Variants in ZBBX observed in about 807,000 individuals in gnomAD.
ZBBX encodes the protein zinc finger B-box domain-containing protein 1.
In ZBBX, 101 loss-of-function variants were observed where a neutral mutation model predicts 108.5. The ratio of observed to expected loss-of-function variants is 0.93; its 90% CI spans 0.79 to 1.10. ZBBX has a LOEUF of 1.10. Among genes scored for constraint, ZBBX ranks in the 50% least tolerant of loss-of-function variants. The probability of loss-of-function intolerance (pLI) is 0.00; values close to 1 mark genes in which losing one functional copy is unlikely to be tolerated. For synonymous variants in ZBBX, 356 were observed against 323.4 expected, an observed-to-expected ratio of 1.10 and a Z score of -1.08; for missense variants, 1,009 against 941.4, an observed-to-expected ratio of 1.07 and a Z score of -0.94.
chr3:167,249,811 T>C (rs1184398527), intron 20 of ZBBX, among the ~76,000 whole-genome samples: 2 of 152,138 alleles, frequency 1.3e-5, no homozygotes, highest in Non-Finnish European at 2.9e-5. Context: ...ATATATAGCG[T>C]CAGAGAAGGG....
the ZBBX span, among the ~76,000 whole-genome samples, chr3:167,197,029 A>G: frequency 6.6e-6 from 1 of 152,172 alleles, no homozygotes; most frequent in Non-Finnish European, 1.5e-5. Flanking sequence ...TCAAGCAAAT[A>G]TTGACATACG....
At chr3:167,325,499 G>A (rs1737211205) in intron 11 of ZBBX, among the ~76,000 whole-genome samples, 1 of 152,126 alleles carries the variant, frequency 6.6e-6, no homozygotes, top group Non-Finnish European at 1.5e-5. Flanking sequence ...CACAACACGT[G>A]GAAATTATGG....
At chr3:167,246,987 G>T (rs1721682175) in intron 20 of ZBBX, among the ~76,000 whole-genome samples, 1 of 152,186 alleles carries the variant, frequency 6.6e-6, no homozygotes. Context: ...TATGTAGGAA[G>T]TGATACGGAA....
At chr3:167,323,840 G>A (rs548591412) in intron 11 of ZBBX, among the ~76,000 whole-genome samples, 2 of 152,200 alleles carry the variant, frequency 1.3e-5, no homozygotes, top group East Asian at 3.9e-4. Context: ...AGTAACAGGA[G>A]ATGAGATGTC....
chr3:167,307,854 GAAAACC>G, intron 16 of ZBBX, among the ~76,000 whole-genome samples: 1 of 152,022 alleles, frequency 6.6e-6, no homozygotes, highest in South Asian at 2.1e-4. Context: ...CCAAAACTAT[GAAAACC>G]CTGGAAGACA....
chr3:167,272,640 T>A (rs1415554169), intron 20 of ZBBX, among the ~76,000 whole-genome samples: 1 of 152,224 alleles, frequency 6.6e-6, no homozygotes, highest in African/African-American at 2.4e-5. Flanking sequence ...ATTAATTAAC[T>A]AAATCAAACA....
chr3:167,290,475 A>G (rs1730488620), intron 18 of ZBBX, among the ~76,000 whole-genome samples: 1 of 152,208 alleles, frequency 6.6e-6, no homozygotes, highest in Non-Finnish European at 1.5e-5. Context: ...GGACTGTTAG[A>G]AGGAAAACTA....
At chr3:167,389,597 A>T (rs1748028466) in intron 1 of ZBBX, among the ~76,000 whole-genome samples, 1 of 152,170 alleles carries the variant, frequency 6.6e-6, no homozygotes, top group African/African-American at 2.4e-5. Flanking sequence ...TCCCACAAAC[A>T]GTGTAAAAGT....
chr3:167,178,470 A>ACAGG, the ZBBX span, among the ~76,000 whole-genome samples: 3 of 152,150 alleles, frequency 2.0e-5, no homozygotes, highest in African/African-American at 7.2e-5. Context: ...TGATCTGTCC[A>ACAGG]CAGGTAGGTG....
At chr3:167,279,124 A>T (rs952255095) in intron 20 of ZBBX, among the ~76,000 whole-genome samples, 5 of 151,746 alleles carry the variant, frequency 3.3e-5, no homozygotes, top group Admixed American at 2.6e-4. Context: ...GCTATCTATG[A>T]CAAACCCACA....
At chr3:167,197,115 G>C in the ZBBX span, among the ~76,000 whole-genome samples, 1 of 152,162 alleles carries the variant, frequency 6.6e-6, no homozygotes, top group Non-Finnish European at 1.5e-5. Context: ...CTTCCATTTG[G>C]TGACAAAGAG....
intron 1 of ZBBX, among the ~76,000 whole-genome samples, chr3:167,403,828 A>G (rs1280681441): frequency 2.0e-5 from 3 of 152,140 alleles, no homozygotes; most frequent in Non-Finnish European, 4.4e-5. Context: ...TATATAAAAT[A>G]GAATGCTAAC....
intron 1 of ZBBX, among the ~76,000 whole-genome samples, chr3:167,405,294 C>T (rs1453781542): frequency 6.6e-6 from 1 of 151,976 alleles, no homozygotes; most frequent in Non-Finnish European, 1.5e-5. Context: ...GAAAGAAGAC[C>T]AAATGCAGAA....
intron 11 of ZBBX, among the ~76,000 whole-genome samples, chr3:167,323,701 T>C (rs902538245): frequency 6.6e-6 from 1 of 152,116 alleles, no homozygotes; most frequent in African/African-American, 2.4e-5. Context: ...CATCCTCAAA[T>C]TGATGGGATC....
At chr3:167,401,153 T>A (rs1748412710) in intron 1 of ZBBX, among the ~76,000 whole-genome samples, 1 of 152,218 alleles carries the variant, frequency 6.6e-6, no homozygotes, top group Admixed American at 6.5e-5. Flanking sequence ...TTTAAACTAA[T>A]ATAGATAATA....
intron 2 of ZBBX, among the ~76,000 whole-genome samples, chr3:167,377,898 G>A (rs1013346607): frequency 6.6e-6 from 1 of 152,090 alleles, no homozygotes; most frequent in Non-Finnish European, 1.5e-5. Context: ...GTGGTGGGAG[G>A]GCCCTGGTAG....
At chr3:167,311,974 C>T (rs1294192283) in intron 16 of ZBBX, among the ~76,000 whole-genome samples, 3 of 152,118 alleles carry the variant, frequency 2.0e-5, no homozygotes, top group Admixed American at 6.5e-5. Flanking sequence ...CCAATAAAAA[C>T]CCATACATGA....
chr3:167,217,180 C>T, the ZBBX span, among the ~76,000 whole-genome samples: 15 of 152,100 alleles, frequency 9.9e-5, no homozygotes, highest in Non-Finnish European at 2.1e-4. Context: ...ACAGAGTAAA[C>T]AGACAACCTA....
intron 19 of ZBBX, among the ~76,000 whole-genome samples, chr3:167,288,208 G>C (rs766287185): frequency 6.6e-6 from 1 of 152,030 alleles, no homozygotes; most frequent in Non-Finnish European, 1.5e-5. Flanking sequence ...CTGGTATAAT[G>C]GGATAACAGT....
Sources: allele counts gnomAD v4.1 joint callset (sites outside exome capture counted in the v4.1 genomes callset), GRCh38; gene constraint gnomAD v4.1.1; transcripts MANE v1.5; gene names NCBI Gene and HGNC (gene_info 2026-07-23, HGNC 2026-07-21).